DROSHA: variants seen among roughly 807,000 people sequenced by gnomAD.
The protein encoded by DROSHA is ribonuclease 3.
Under a neutral mutation model 181.9 loss-of-function variants are expected in DROSHA, and 56 were observed. The ratio of observed to expected loss-of-function variants is 0.31; its 90% CI spans 0.25 to 0.38. The LOEUF is 0.38. DROSHA is among the 10% of genes least tolerant of loss of function. The pLI is 1.00. For missense variants in DROSHA, 1,218 were observed against 1,743.5 expected, an observed-to-expected ratio of 0.70 and a Z score of 5.37; for synonymous variants, 524 against 591.2, an observed-to-expected ratio of 0.89 and a Z score of 1.65.
Position 31,411,938 on chromosome 5 carries a change from C to T in DROSHA, c.3526-1051G>A, listed in dbSNP as rs1741366034. On this transcript the variant is annotated intron_variant, in intron 30 of 35. Transcript: ENST00000344624. The surrounding 1 kb of genome is among the most constrained non-coding windows in gnomAD (Gnocchi z 4.2). ...CACTGCGCCCAGCCCATACTGGTAT[C>T]CTTTGTCTCTAATCAAATTAAAATA... Among the ~76,000 whole-genome samples, 1 of 152,162 alleles carries T rather than the reference C, an allele frequency of 6.6e-6. No individual in the cohort carries two copies. Among genetic ancestry groups the T allele is most frequent in the Non-Finnish European group, 1.5e-5 (1 of 68,026 alleles).
intron 30 of DROSHA, among the ~76,000 whole-genome samples, chr5:31,420,360 A>G (rs1430104134): frequency 2.6e-5 from 4 of 152,184 alleles, no homozygotes; most frequent in African/African-American, 7.2e-5. Context: ...GACTTCTCAA[A>G]GGTTACTCAT....
chr5:31,433,288 G>A (rs1364004512), intron 25 of DROSHA, among the ~76,000 whole-genome samples: 1 of 152,120 alleles, frequency 6.6e-6, no homozygotes, highest in Non-Finnish European at 1.5e-5. Flanking sequence ...AAATGCAATA[G>A]CAGAAAATAT....
Position 31,495,346 on chromosome 5 carries a change from G to T in DROSHA, c.1695C>A (p.Thr565=). 6.2e-7 allele frequency: 1 copy of T among 1,613,810 alleles called. No individual in the cohort carries two copies. The highest frequency in any genetic ancestry group is 8.5e-7 in the Non-Finnish European group (1 of 1,179,822). ...AGTGGAAAAGTCTGCCAGCATTGTTGGTCATAGGACGACAGGGCTTGATGG... is the reference window on the plus strand; with the variant it reads ...AGTGGAAAAGTCTGCCAGCATTGTTTGTCATAGGACGACAGGGCTTGATGG... ...EEAIKPCRPM[T]NNAGRLFHYR... Residue 565 remains threonine, a synonymous_variant, in exon 12 of 36, where the codon ACC becomes ACA. Coordinates refer to ENST00000344624, the MANE Select transcript of DROSHA (RefSeq NM_001382508.1).
rs1740630508 is a variant in DROSHA, at chr5:31,526,737, A to G, written c.196T>C (p.Ser66Pro). ...PSAPSTTFSN[S>P]PAPNFLPPRP... is the part of the protein sequence containing the mutation. ...GGAGGGAGAAAATTGGGGGCTGGAG[A>G]GTTTGAGAAAGTGGTGGAAGGGGCA... is the stretch of plus-strand genomic sequence containing the variant. Residue 66 changes from serine (S) to proline (P), a missense_variant, in exon 5 of 36, where the codon TCT (serine) becomes CCT (proline). Ser to Pro is a moderately conservative substitution (Grantham distance 74). Transcript: ENST00000344624. 3.8e-6 allele frequency: 6 copies of G among 1,577,334 alleles called. No individual in the cohort carries two copies. Among genetic ancestry groups the G allele is most frequent in the Non-Finnish European group, 5.2e-6 (6 of 1,164,500 alleles).
At chr5:31,444,625 T>C (rs1316048066) in intron 23 of DROSHA, among the ~76,000 whole-genome samples, 13 of 152,206 alleles carry the variant, frequency 8.5e-5, no homozygotes, top group Non-Finnish European at 1.0e-4. Flanking sequence ...GAAAAGTACA[T>C]GTCTATGGTG....
chr5:31,461,943 C>A (rs1309482102), intron 20 of DROSHA, among the ~76,000 whole-genome samples: 1 of 152,044 alleles, frequency 6.6e-6, no homozygotes, highest in African/African-American at 2.4e-5. Flanking sequence ...TAAACAGATA[C>A]TTCATCTGTT....
chr5:31,461,787 C>T (rs571097574), intron 20 of DROSHA, among the ~76,000 whole-genome samples: 5 of 148,988 alleles, frequency 3.4e-5, no homozygotes, highest in Admixed American at 1.3e-4. Context: ...TAAGTTTGAA[C>T]TAGGTTGCTC....
chr5:31,484,143 A>G (rs4867332), intron 15 of DROSHA, among the ~76,000 whole-genome samples: 16,633 of 152,058 alleles, frequency 0.11, 1,197 homozygotes, highest in East Asian at 0.23. Context: ...AGGCCGAGGC[A>G]GGCGGATCAC....
At chr5:31,510,983 G>A in intron 9 of DROSHA, 52 bp downstream of exon 9, 1 of 1,586,804 alleles carries the variant, frequency 6.3e-7, no homozygotes, top group East Asian at 2.2e-5. Context: ...CAAAATTTAG[G>A]AATGAAGCTA....
rs376200299 is a variant in DROSHA at position 31,521,885 on chromosome 5, CAAT to C, written c.855-673_855-671del. Among the ~76,000 whole-genome samples the C allele has an allele frequency of 3.4e-3, 524 of 152,220 alleles. 3 individuals are homozygous for C. Among genetic ancestry groups the C allele is most frequent in the African/African-American group, 0.012 (502 of 41,542 alleles). The stretch of plus-strand genomic sequence containing the variant: ...ATTAATAGCTTTTGAGCCTATTTAA[CAAT>C]GAGGACCTAGAAGAGAAATCTGAAC... On this transcript the variant is annotated intron_variant, in intron 5 of 35. Transcript: ENST00000344624.
At chr5:31,424,650 C>A (rs1229665080) in intron 27 of DROSHA, among the ~76,000 whole-genome samples, 179 bp from the exon 28 acceptor site, 2 of 152,116 alleles carry the variant, frequency 1.3e-5, no homozygotes, top group Admixed American at 6.6e-5. Context: ...ACTCAAACCG[C>A]CTGTAGTGAC....
chr5:31,505,501 A>G (rs889495473), intron 10 of DROSHA, among the ~76,000 whole-genome samples: 1 of 152,144 alleles, frequency 6.6e-6, no homozygotes, highest in Non-Finnish European at 1.5e-5. Flanking sequence ...AATAAAATGG[A>G]CCATTTATGT....
rs1470233720 is a variant in DROSHA at position 31,515,165 on chromosome 5, A to G, written c.1113T>C (p.Arg371=). Residue 371 remains arginine (R), a synonymous_variant, in exon 8 of 36, where the codon CGT becomes CGC. Transcript: ENST00000344624. The part of the protein sequence containing the change: ...KRARWEEEKD[R]WSDNQSSGKD... The stretch of plus-strand genomic sequence containing the variant: ...TGCCAGAACTCTGGTTGTCACTCCA[A>G]CGGTCTTTTTCTTCCTCCCAACGAG... 1 of 1,613,884 alleles carries G rather than the reference A, an allele frequency of 6.2e-7. No individual in the cohort carries two copies. Among genetic ancestry groups the G allele is most frequent in the South Asian group, 1.1e-5 (1 of 91,072 alleles).
At chr5:31,421,607 T>C (rs141307318) in intron 29 of DROSHA, 61 of 452,016 alleles carry the variant, frequency 1.3e-4, no homozygotes, top group African/African-American at 9.9e-4. Flanking sequence ...GATTAAACGA[T>C]TGCCAAAATA....
chr5:31,511,186 A>T lies in DROSHA; in HGVS notation c.1291-10T>A. The T allele has an allele frequency of 1.2e-6, 2 of 1,611,066 alleles. No individual in the cohort carries two copies. Among genetic ancestry groups the T allele is most frequent in the Non-Finnish European group, 1.7e-6 (2 of 1,178,444 alleles). The stretch of plus-strand genomic sequence containing the variant: ...CCACTGTAGAATCTCCCTTTTAAAA[A>T]TAAAGGATCAATATTAGGAACTATA... On this transcript the variant is annotated splice_polypyrimidine_tract_variant and intron_variant, in intron 8 of 35. Coordinates refer to ENST00000344624, the MANE Select transcript of DROSHA (RefSeq NM_001382508.1).
At chr5:31,454,121 T>C (rs1476643078) in intron 20 of DROSHA, among the ~76,000 whole-genome samples, 2 of 152,148 alleles carry the variant, frequency 1.3e-5, no homozygotes, top group Non-Finnish European at 2.9e-5. Context: ...CAGGCCCTGA[T>C]AATGGAAGAA....
intron 16 of DROSHA, among the ~76,000 whole-genome samples, chr5:31,475,742 TTGCTTTGTGTAA>T (rs1449931325): frequency 6.6e-6 from 1 of 152,142 alleles, no homozygotes; most frequent in Non-Finnish European, 1.5e-5. Context: ...GAGCAGAATG[TTGCTTTGTGTAA>T]GAATTAGAAA....
rs757094157 is a variant in DROSHA, at chr5:31,508,648, A to G, written c.1560T>C (p.Asp520=). The G allele has an allele frequency of 1.5e-5, 24 of 1,613,826 alleles. No individual in the cohort carries two copies. The highest frequency in any genetic ancestry group is 1.9e-5 in the Non-Finnish European group (23 of 1,179,866). ...RKKAHPDRLH[D]ELWYNDPGQM... is the part of the protein sequence containing the mutation. ...GGCCTGGATCGTTGTACCAAAGTTC[A>G]TCATGAAGTCGGTCAGGGTGGGCCT... Residue 520 remains aspartate (D), a synonymous_variant, in exon 10 of 36, where the codon GAT becomes GAC. Coordinates refer to ENST00000344624, the MANE Select transcript of DROSHA (RefSeq NM_001382508.1).
intron 30 of DROSHA, among the ~76,000 whole-genome samples, chr5:31,415,772 G>C (rs923566155): frequency 1.3e-5 from 2 of 151,020 alleles, no homozygotes; most frequent in African/African-American, 5.0e-5. Context: ...TGATACAGAG[G>C]AGAAAACTCC....
Sources: gnomAD v4.1 joint callset for allele counts (sites outside exome capture counted in the v4.1 genomes callset) on GRCh38, gnomAD v4.1.1 for gene constraint, Gnocchi (gnomAD v3.1) non-coding constraint, MANE v1.5 for transcripts, NCBI Gene and HGNC (gene_info 2026-07-23, HGNC 2026-07-21) for gene names.